Variants in CCDC197 observed in about 807,000 individuals in gnomAD.
CCDC197 encodes uncharacterized protein CCDC197.
Under a neutral mutation model 13.4 loss-of-function variants are expected in CCDC197, and 24 were observed. That is an observed-to-expected ratio of 1.80 (90% confidence interval 1.30 to 2.53). The LOEUF (loss-of-function observed/expected upper bound fraction) is 2.53. Ranked by LOEUF, CCDC197 falls within the 30% of genes most tolerant of loss-of-function variation. The probability of loss-of-function intolerance (pLI) is 0.00; values close to 1 mark genes in which losing one functional copy is unlikely to be tolerated. For missense variants in CCDC197, 255 were observed against 148.8 expected (o/e 1.71, Z -3.71); for synonymous variants, 99 against 55.5 (o/e 1.78, Z -3.48).
chr14:94,004,804 G>A lies in CCDC197; in HGVS notation c.499-51G>A, dbSNP rs139604269. ...TGGAGTGAGCCAGGGCAGGGGCAGGGGATGCTGGGAGAGAGCCTGAGCCAC... is the reference window on the plus strand; with the variant it reads ...TGGAGTGAGCCAGGGCAGGGGCAGGAGATGCTGGGAGAGAGCCTGAGCCAC... On this transcript the variant is annotated intron_variant, in intron 5 of 6. Coordinates refer to ENST00000636493, the MANE Select transcript of CCDC197 (RefSeq NM_001351596.2). 3.6e-4 allele frequency: 248 copies of A among 694,120 alleles called. 1 individual carries two copies. The highest frequency in any genetic ancestry group is 3.6e-3 in the African/African-American group (204 of 57,290). The allele number at this position is 694,120 out of a possible 1,614,324, so 43.0% of individuals were successfully genotyped here.
Position 94,003,376 on chromosome 14 carries a change from G to A in CCDC197, c.498+22G>A. ...TAATGTGAGTCCAGTCTTTCAGCCT[G>A]GGGGTGGGGTTAGGGGTGGGGAAGG... On this transcript the variant is annotated intron_variant, in intron 5 of 6. Transcript: ENST00000636493. This position sits in a 1 kb window ranked among gnomAD's most constrained non-coding sequence, Gnocchi z 5.0. 1 of 723,962 alleles carries A rather than the reference G, an allele frequency of 1.4e-6. No homozygotes were observed. Among genetic ancestry groups the A allele is most frequent in the African/African-American group, 1.7e-5 (1 of 57,758 alleles). The allele number at this position is 723,962 out of a possible 1,614,324, so 44.8% of individuals were successfully genotyped here. A position where few individuals can be genotyped will look rare whatever the true frequency, so the allele number is the denominator to read the frequency against.
rs1890374591 is a variant in CCDC197 at position 93,998,107 on chromosome 14, C to T, written c.-25C>T. On this transcript the variant is annotated 5_prime_UTR_variant, in exon 2 of 7. Transcript: ENST00000636493. ...CCTGACTCACGGGTCTCCTGTCCTC[C>T]TGCATAGCTTGCGGTGGTGAGGTGA... is the stretch of plus-strand genomic sequence containing the variant. 2 of 780,388 alleles carry T rather than the reference C, an allele frequency of 2.6e-6. No homozygotes were observed. Among genetic ancestry groups the T allele is most frequent in the Non-Finnish European group, 4.8e-6 (2 of 418,060 alleles). 48.3% of individuals were successfully genotyped at this position (780,388 alleles called of 1,614,324 possible). A position where few individuals can be genotyped will look rare whatever the true frequency, so the allele number is the denominator to read the frequency against.
chr14:94,004,960 G>C lies in CCDC197; in HGVS notation c.604G>C (p.Asp202His). 1 of 702,770 alleles carries C rather than the reference G, an allele frequency of 1.4e-6. No homozygotes were observed. The highest frequency in any genetic ancestry group is 2.6e-6 in the Non-Finnish European group (1 of 384,870). 43.5% of individuals were successfully genotyped at this position (702,770 alleles called of 1,614,324 possible). Residue 202 changes from aspartate to histidine, a missense_variant, in exon 6 of 7, where the codon GAT (aspartate) becomes CAT (histidine). By Grantham distance (81) the Asp-to-His change is moderately conservative. Transcript: ENST00000636493. ...GAGCATGGATCTCTTCTCCAAGCTCGATCTGATTAAGGTAAGGATAGACAG... is the reference window on the plus strand; with the variant it reads ...GAGCATGGATCTCTTCTCCAAGCTCCATCTGATTAAGGTAAGGATAGACAG... The part of the protein sequence containing the change: ...PKSMDLFSKL[D>H]LIKEFMLDKM...
chr14:94,011,645 C>G (rs1329016716), downstream of CCDC197, among the ~76,000 whole-genome samples: 1 of 152,232 alleles, frequency 6.6e-6, no homozygotes, highest in East Asian at 1.9e-4. Context: ...TGGAGAAAAA[C>G]CTTCAAGGGC....
intron 5 of CCDC197, 147 bp from the exon 6 acceptor site, chr14:94,004,708 G>A: frequency 1.7e-6 from 1 of 575,536 alleles, no homozygotes; most frequent in South Asian, 2.2e-5. Flanking sequence ...GAGCCCCGCA[G>A]GAGAGGAATA....
downstream of CCDC197, among the ~76,000 whole-genome samples, chr14:94,010,248 G>A (rs908557134): frequency 6.6e-6 from 1 of 152,212 alleles, no homozygotes; most frequent in Non-Finnish European, 1.5e-5. Flanking sequence ...CTGTGACCCA[G>A]GCTAGAGTGT....
chr14:94,007,110 C>G (rs1240438331), intron 6 of CCDC197: 1 of 152,220 alleles, frequency 6.6e-6, no homozygotes, highest in Non-Finnish European at 1.5e-5. Flanking sequence ...CAGATGTGAG[C>G]CACTGCATCC....
rs989547206 is a variant in CCDC197 at position 93,999,141 on chromosome 14, C to T, written c.105-442C>T. Among the ~76,000 whole-genome samples, 13 of 152,312 alleles carry T rather than the reference C, an allele frequency of 8.5e-5. No individual in the cohort carries two copies. The South Asian group carries it at 1.0e-3, about 12-fold the overall frequency. ...TGCCCCCAAGGCACTGGGAGCCCCACGCATGACCCTGGCCAGCAGCTCACA... is the reference window on the plus strand; with the variant it reads ...TGCCCCCAAGGCACTGGGAGCCCCATGCATGACCCTGGCCAGCAGCTCACA... On this transcript the variant is annotated intron_variant, in intron 2 of 6. Transcript: ENST00000636493.
chr14:94,003,471 A>AGCC lies in CCDC197; in HGVS notation c.498+118_498+120dup, dbSNP rs1451178587. 3.1e-6 allele frequency: 2 copies of AGCC among 635,376 alleles called. No homozygotes were observed. Among genetic ancestry groups the AGCC allele is most frequent in the African/African-American group, 3.6e-5 (2 of 55,796 alleles). 39.4% of individuals were successfully genotyped at this position (635,376 alleles called of 1,614,324 possible). On this transcript the variant is annotated intron_variant, in intron 5 of 6. Coordinates refer to ENST00000636493, the MANE Select transcript of CCDC197 (RefSeq NM_001351596.2). The surrounding 1 kb of genome is among the most constrained non-coding windows in gnomAD (Gnocchi z 5.0). ...TACGCACGCAGACACACACACACAG[A>AGCC]GCCAGACACATAGACACACAGGCAC... is the stretch of plus-strand genomic sequence containing the variant.
chr14:94,000,886 C>T (rs1021417432), intron 3 of CCDC197: 3 of 375,838 alleles, frequency 8.0e-6, no homozygotes, highest in African/African-American at 6.6e-5. Flanking sequence ...GCTCGGTGGT[C>T]TTGATCCAGA....
rs763421925 is a variant in CCDC197 at position 94,004,845 on chromosome 14, T to C, written c.499-10T>C. On this transcript the variant is annotated splice_polypyrimidine_tract_variant and intron_variant, in intron 5 of 6. Transcript: ENST00000636493. ...CCTGAGCCACCACCTCCTCCTTCTC[T>C]TTCCTGCAGGATCAGCTGCTCGGCT... 1.4e-6 allele frequency: 1 copy of C among 702,854 alleles called. No individual in the cohort carries two copies. The highest frequency in any genetic ancestry group is 2.6e-6 in the Non-Finnish European group (1 of 384,862). The allele number at this position is 702,854 out of a possible 1,614,324, so 43.5% of individuals were successfully genotyped here.
upstream of CCDC197, among the ~76,000 whole-genome samples, chr14:93,993,432 C>T (rs1411034315): frequency 1.3e-5 from 2 of 152,364 alleles, no homozygotes; most frequent in South Asian, 2.1e-4. Flanking sequence ...TGGACTATCT[C>T]GTTTAATCCC....
At chr14:93,998,860 G>T (rs80198823) in intron 2 of CCDC197, among the ~76,000 whole-genome samples, 2,942 of 152,288 alleles carry the variant, frequency 0.019, 98 homozygotes, top group African/African-American at 0.066. Flanking sequence ...GAGAAGCAGA[G>T]GGGCTTGCCC....
intron 4 of CCDC197, among the ~76,000 whole-genome samples, chr14:94,002,256 C>G (rs1890540555): frequency 6.6e-6 from 1 of 152,082 alleles, no homozygotes. Context: ...CCCTCTCTCT[C>G]TCGCCCCCTC....
In CCDC197 at chr14:94,003,199, G is replaced by C. The variant is rs751764244; in HGVS notation, c.367-24G>C. The C allele has an allele frequency of 1.3e-6, 1 of 777,358 alleles. No individual in the cohort carries two copies. Among genetic ancestry groups the C allele is most frequent in the South Asian group, 1.4e-5 (1 of 74,018 alleles). The allele number at this position is 777,358 out of a possible 1,614,324, so 48.2% of individuals were successfully genotyped here. A position where few individuals can be genotyped will look rare whatever the true frequency, so the allele number is the denominator to read the frequency against. On this transcript the variant is annotated intron_variant, in intron 4 of 6. Coordinates refer to ENST00000636493, the MANE Select transcript of CCDC197 (RefSeq NM_001351596.2). This position sits in a 1 kb window ranked among gnomAD's most constrained non-coding sequence, Gnocchi z 5.0. ...TGCCCTGGAGGGTTTGTTGTACCAA[G>C]ATGGCCCATTCCCTCTGCCCCAGAG...
At chr14:94,009,261 TG>T (rs2141394984), downstream of CCDC197, among the ~76,000 whole-genome samples, 1 of 152,220 alleles carries the variant, frequency 6.6e-6, no homozygotes, top group African/African-American at 2.4e-5. Context: ...GCAGAGCTAA[TG>T]GGGGTGCTGA....
downstream of CCDC197, among the ~76,000 whole-genome samples, chr14:94,010,351 G>A (rs551335918): frequency 1.3e-3 from 196 of 152,252 alleles, 1 homozygote; most frequent in Non-Finnish European, 1.6e-3. Context: ...CTACAGGCGC[G>A]TGCCACCATG....
In CCDC197 at chr14:94,003,278, A is replaced by C. The variant is rs1354319713; in HGVS notation, c.422A>C (p.Gln141Pro). Residue 141 changes from glutamine (Q) to proline (P), a missense_variant, in exon 5 of 7, where the codon CAG (glutamine) becomes CCG (proline). Transcript: ENST00000636493. The surrounding 1 kb of genome is among the most constrained non-coding windows in gnomAD (Gnocchi z 5.0). ...AAGAAGTGCTACCGCAAGCAGGAGC[A>C]GTGGTGGCAGCTGAAGCACAGCATC... ...LQKKCYRKQE[Q>P]WWQLKHSITY... 1 of 763,158 alleles carries C rather than the reference A, an allele frequency of 1.3e-6. No homozygotes were observed. The highest frequency in any genetic ancestry group is 1.7e-5 in the Admixed American group (1 of 58,304). The allele number at this position is 763,158 out of a possible 1,614,324, so 47.3% of individuals were successfully genotyped here.
At chr14:93,988,657 G>A (rs111206799) in intron 1 of CCDC197, among the ~76,000 whole-genome samples, 893 of 43,554 alleles carry the variant, frequency 0.021, 62 homozygotes, top group African/African-American at 0.059. Flanking sequence ...GGGATGGGTG[G>A]AGGGGATAGG....
Sources: gnomAD v4.1 joint callset for allele counts (sites outside exome capture counted in the v4.1 genomes callset) on GRCh38, gnomAD v4.1.1 for gene constraint, Gnocchi (gnomAD v3.1) non-coding constraint, MANE v1.5 for transcripts, NCBI Gene and HGNC (gene_info 2026-07-23, HGNC 2026-07-21) for gene names.